ASIC2: variants seen among roughly 807,000 people sequenced by gnomAD.
ASIC2 encodes the protein acid-sensing ion channel 2.
ASIC2 carries 25 observed loss-of-function variants against 57.3 expected under a neutral mutation model. That is an observed-to-expected ratio of 0.44 (90% CI 0.32 to 0.61). ASIC2 has a LOEUF of 0.61. ASIC2 is among the 20% of genes least tolerant of loss of function. The pLI, the probability that ASIC2 is intolerant of heterozygous loss-of-function variation, is 0.06. For missense variants in ASIC2, 641 were observed against 738.1 expected (o/e 0.87, Z 1.52); for synonymous variants, 319 against 307.5 (o/e 1.04, Z -0.39).
intron 1 of ASIC2, among the ~76,000 whole-genome samples, chr17:33,690,362 C>T (rs577158391): frequency 6.6e-6 from 1 of 152,184 alleles, no homozygotes; most frequent in Non-Finnish European, 1.5e-5. Flanking sequence ...TTTTCACTGA[C>T]ATTTCTCAGC....
At chr17:33,951,562 TTTTTC>T (rs1402210245) in intron 1 of ASIC2, among the ~76,000 whole-genome samples, 1 of 151,134 alleles carries the variant, frequency 6.6e-6, no homozygotes, top group Non-Finnish European at 1.5e-5. Flanking sequence ...TCTTCCCTCT[TTTTTC>T]TTTTCTTTTT....
intron 1 of ASIC2, among the ~76,000 whole-genome samples, chr17:33,500,470 G>T (rs1914068060): frequency 6.6e-6 from 1 of 152,214 alleles, no homozygotes; most frequent in African/African-American, 2.4e-5. Context: ...AGGCCTACAA[G>T]CTGCCATTGG....
intron 1 of ASIC2, among the ~76,000 whole-genome samples, chr17:33,829,371 G>A (rs1274722280): frequency 6.6e-6 from 1 of 152,148 alleles, no homozygotes; most frequent in African/African-American, 2.4e-5. Context: ...ACTAAAAAGT[G>A]CTGCAATAAG....
chr17:33,876,237 G>T (rs562976191), intron 1 of ASIC2, among the ~76,000 whole-genome samples: 1 of 152,290 alleles, frequency 6.6e-6, no homozygotes, highest in Admixed American at 6.5e-5. Context: ...AACAGGAAAG[G>T]TTAACTCATT....
At chr17:33,680,297 C>T (rs1439444758) in intron 1 of ASIC2, among the ~76,000 whole-genome samples, 2 of 152,116 alleles carry the variant, frequency 1.3e-5, no homozygotes, top group Non-Finnish European at 2.9e-5. Flanking sequence ...GCTCCAGCTG[C>T]CTGACCTGCA....
intron 1 of ASIC2, among the ~76,000 whole-genome samples, chr17:33,246,042 A>AAT (rs386385934): frequency 6.6e-6 from 1 of 151,264 alleles, no homozygotes; most frequent in Non-Finnish European, 1.5e-5. Flanking sequence ...AAAAAAAAAA[A>AAT]AGTCACTGTG....
intron 1 of ASIC2, among the ~76,000 whole-genome samples, chr17:33,573,374 C>T (rs1327391757): frequency 6.6e-6 from 1 of 152,026 alleles, no homozygotes; most frequent in Non-Finnish European, 1.5e-5. Context: ...GGAAATGAAA[C>T]ATTATAAATA....
intron 1 of ASIC2, among the ~76,000 whole-genome samples, chr17:33,429,202 GT>G (rs1481808435): frequency 6.6e-6 from 1 of 152,008 alleles, no homozygotes; most frequent in African/African-American, 2.4e-5. Flanking sequence ...TTTAGCACTT[GT>G]AACATGGTAG....
At chr17:33,357,836 T>C (rs1234689972) in intron 1 of ASIC2, among the ~76,000 whole-genome samples, 4 of 152,228 alleles carry the variant, frequency 2.6e-5, no homozygotes, top group African/African-American at 4.8e-5. Context: ...TTTGCTATGA[T>C]GGCCTAACCT....
At chr17:33,136,191 A>G (rs2092366425) in intron 1 of ASIC2, among the ~76,000 whole-genome samples, 1 of 152,224 alleles carries the variant, frequency 6.6e-6, no homozygotes, top group Non-Finnish European at 1.5e-5. Context: ...TTTGCTATAT[A>G]TAAAAGTGCA....
At chr17:33,500,999 G>T (rs993256077) in intron 1 of ASIC2, among the ~76,000 whole-genome samples, 5 of 152,216 alleles carry the variant, frequency 3.3e-5, no homozygotes. Context: ...CCCAGGCAAC[G>T]CAGTGTCCTG....
At chr17:33,143,544 C>G (rs955417567) in intron 1 of ASIC2, among the ~76,000 whole-genome samples, 1 of 152,108 alleles carries the variant, frequency 6.6e-6, no homozygotes. Flanking sequence ...GTCAGAATGG[C>G]CAAACAAGCA....
intron 1 of ASIC2, among the ~76,000 whole-genome samples, chr17:33,394,444 A>T (rs1910003767): frequency 6.7e-6 from 1 of 150,368 alleles, no homozygotes; most frequent in East Asian, 1.9e-4. Context: ...CTGGGCCCAC[A>T]TATGGATTTT....
intron 1 of ASIC2, among the ~76,000 whole-genome samples, chr17:33,200,246 G>A (rs1032741162): frequency 3.3e-5 from 5 of 152,154 alleles, no homozygotes; most frequent in Non-Finnish European, 2.9e-5. Context: ...TGTCTGTCAA[G>A]CAGCCATCAC....
At chr17:33,557,325 A>G (rs1915937529) in intron 1 of ASIC2, among the ~76,000 whole-genome samples, 1 of 152,190 alleles carries the variant, frequency 6.6e-6, no homozygotes, top group South Asian at 2.1e-4. Context: ...CACTATCCTC[A>G]GAGAAGAAAA....
intron 3 of ASIC2, among the ~76,000 whole-genome samples, chr17:33,031,663 C>A (rs2091884198): frequency 6.6e-6 from 1 of 152,118 alleles, no homozygotes; most frequent in Non-Finnish European, 1.5e-5. Flanking sequence ...CTAATTTTTT[C>A]ATCTGCTTAC....
In ASIC2 at chr17:33,797,725, A is replaced by G. The variant is rs533567577; in HGVS notation, c.555+358253T>C. ...CGTGAGTTTGCGCTTCCCTGGTTCTATTTGTCTGCAGACAGAAGGCTGTTT... is the reference window on the plus strand; with the variant it reads ...CGTGAGTTTGCGCTTCCCTGGTTCTGTTTGTCTGCAGACAGAAGGCTGTTT... On this transcript the variant is annotated intron_variant, in intron 1 of 9. Coordinates refer to the ASIC2 transcript ENST00000359872. Among the ~76,000 whole-genome samples the G allele has an allele frequency of 3.9e-5, 6 of 152,250 alleles. No individual in the cohort carries two copies. In the South Asian group the frequency reaches 1.2e-3, roughly 32 times the overall value.
At chr17:33,069,941 C>A (rs984572858) in intron 3 of ASIC2, among the ~76,000 whole-genome samples, 2 of 152,236 alleles carry the variant, frequency 1.3e-5, no homozygotes, top group South Asian at 4.1e-4. Context: ...CTGCCTCCAA[C>A]TGCAGTAAAT....
intron 1 of ASIC2, among the ~76,000 whole-genome samples, chr17:34,149,617 G>C (rs752529944): frequency 2.0e-5 from 3 of 152,194 alleles, no homozygotes; most frequent in Admixed American, 6.5e-5. Flanking sequence ...ACAAGGATGA[G>C]TGAAGACATC....
Sources: gnomAD v4.1 joint callset for allele counts (sites outside exome capture counted in the v4.1 genomes callset) on GRCh38, gnomAD v4.1.1 for gene constraint, MANE v1.5 for transcripts, NCBI Gene and HGNC (gene_info 2026-07-23, HGNC 2026-07-21) for gene names.